The following RAB3C variants were observed in gnomAD, a reference collection of about 807,000 sequenced individuals.
The protein encoded by RAB3C is RAB3C, member RAS oncogene family, also known as ras-related protein Rab-3C.
In RAB3C, 17 loss-of-function variants were observed where a neutral mutation model predicts 26.4. The observed-to-expected ratio is 0.64, with a 90% CI of 0.44 to 0.97. RAB3C has a LOEUF of 0.97. RAB3C is among the 50% of genes least tolerant of loss of function. The pLI is 0.00. For missense variants in RAB3C, 242 were observed against 281.9 expected, an observed-to-expected ratio of 0.86 and a Z score of 1.01; for synonymous variants, 91 against 95.9, an observed-to-expected ratio of 0.95 and a Z score of 0.30.
chr5:58,747,529 G>A (rs1741426073), intron 3 of RAB3C, among the ~76,000 whole-genome samples: 1 of 152,022 alleles, frequency 6.6e-6, no homozygotes, highest in Non-Finnish European at 1.5e-5. Context: ...CTTTTCTGCA[G>A]GTCACAGATG....
At position 58,763,780 on chromosome 5, in the gene RAB3C, C is replaced by T. The variant is rs117831707; in HGVS notation, c.371+37660C>T. On this transcript the variant is annotated intron_variant, in intron 3 of 4. Transcript: ENST00000282878. ...AGAGTAAGAAAGTTATTTACTTTCA[C>T]TCTAGCAAAGCAGAAAAGGTAATAG... Among the ~76,000 whole-genome samples, 90 of 152,276 alleles carry T rather than the reference C, an allele frequency of 5.9e-4. 1 individual carries two copies. In the East Asian group the frequency reaches 0.01, roughly 18 times the overall value.
At chr5:58,835,849 G>C (rs973788264) in intron 4 of RAB3C, among the ~76,000 whole-genome samples, 1 of 152,178 alleles carries the variant, frequency 6.6e-6, no homozygotes, top group East Asian at 1.9e-4. Context: ...TAAGTGTTGA[G>C]AGCTGAAAAA....
chr5:58,612,916 A>G (rs907728242), intron 1 of RAB3C, among the ~76,000 whole-genome samples: 2 of 152,046 alleles, frequency 1.3e-5, no homozygotes, highest in Non-Finnish European at 2.9e-5. Flanking sequence ...TTCAAGGGGA[A>G]TGCTTCCAGC....
intron 2 of RAB3C, among the ~76,000 whole-genome samples, chr5:58,692,747 T>G (rs970161996): frequency 2.0e-5 from 3 of 152,050 alleles, no homozygotes; most frequent in Non-Finnish European, 4.4e-5. Flanking sequence ...GTCTCCAAAA[T>G]AAAGTATTTA....
rs1289870360 is a variant in RAB3C, at chr5:58,845,612, A to ATGTGTG, written c.497-5538_497-5533dup. Among the ~76,000 whole-genome samples the ATGTGTG allele has an allele frequency of 4.4e-3, 363 of 81,718 alleles. 31 individuals are homozygous for ATGTGTG. Among genetic ancestry groups the ATGTGTG allele is most frequent in the African/African-American group, 0.019 (332 of 17,202 alleles). The allele number at this position is 81,718 out of a possible 152,430, so 53.6% of individuals were successfully genotyped here. The stretch of plus-strand genomic sequence containing the variant: ...ATTCTTACTATATATATATATATAT[A>ATGTGTG]TGTGTGTGTGTGTGTGTGTATATGT... On this transcript the variant is annotated intron_variant, in intron 4 of 4. Coordinates refer to ENST00000282878, the MANE Select transcript of RAB3C (RefSeq NM_138453.4).
chr5:58,761,061 T>TCACACACACACACACACACACACACA (rs769194224), intron 3 of RAB3C, among the ~76,000 whole-genome samples: 3 of 126,544 alleles, frequency 2.4e-5, no homozygotes, highest in African/African-American at 8.5e-5. Context: ...TCTCTCTCTC[T>TCACACACACACACACACACACACACA]CTCACACACA....
intron 1 of RAB3C, among the ~76,000 whole-genome samples, chr5:58,602,357 T>A (rs555542407): frequency 1.1e-4 from 17 of 152,292 alleles, no homozygotes; most frequent in Admixed American, 4.6e-4. Context: ...TATATATCTG[T>A]TAAGTCCATT....
rs527635547 is a variant in RAB3C, at chr5:58,822,784, G to C, written c.372-2254G>C. ...CAAAATAAGGTGTGAAGGTTGGCCT[G>C]ACAAATTATGCTGCAGCACATTATA... is the stretch of plus-strand genomic sequence containing the variant. On this transcript the variant is annotated intron_variant, in intron 3 of 4. Coordinates refer to ENST00000282878, the MANE Select transcript of RAB3C (RefSeq NM_138453.4). 4.8e-4 allele frequency: 273 copies of C among 567,092 alleles called. 2 individuals carry two copies. The Middle Eastern group carries it at 6.8e-3, about 14-fold the overall frequency. The allele number at this position is 567,092 out of a possible 1,614,324, so 35.1% of individuals were successfully genotyped here.
intron 2 of RAB3C, among the ~76,000 whole-genome samples, chr5:58,632,305 G>T (rs752445644): frequency 6.6e-6 from 1 of 152,180 alleles, no homozygotes; most frequent in African/African-American, 2.4e-5. Flanking sequence ...AGACCTCAAA[G>T]TGTGGTCCCA....
intron 2 of RAB3C, among the ~76,000 whole-genome samples, chr5:58,641,043 T>C (rs1197369466): frequency 6.6e-6 from 1 of 152,236 alleles, no homozygotes; most frequent in African/African-American, 2.4e-5. Flanking sequence ...TGAACTGCTT[T>C]AGCTGCTTTT....
chr5:58,662,285 G>A (rs892404961), intron 2 of RAB3C, among the ~76,000 whole-genome samples: 12 of 150,006 alleles, frequency 8.0e-5, no homozygotes, highest in South Asian at 4.1e-4. Flanking sequence ...GAAAGGAGGC[G>A]GCAGAAATAG....
chr5:58,810,895 C>A (rs900594027), intron 3 of RAB3C, among the ~76,000 whole-genome samples: 8 of 152,220 alleles, frequency 5.3e-5, no homozygotes, highest in Non-Finnish European at 7.3e-5. Context: ...CCGTGCCCAG[C>A]CCCTTATTCA....
At chr5:58,820,749 T>C (rs1743321432) in intron 3 of RAB3C, among the ~76,000 whole-genome samples, 1 of 152,200 alleles carries the variant, frequency 6.6e-6, no homozygotes, top group South Asian at 2.1e-4. Context: ...ATATTTCTTA[T>C]ATAAGAGCAA....
At chr5:58,779,456 C>T (rs193057802) in intron 3 of RAB3C, among the ~76,000 whole-genome samples, 2 of 151,800 alleles carry the variant, frequency 1.3e-5, no homozygotes, top group African/African-American at 4.8e-5. Context: ...ACAGTCATGG[C>T]TCACTATAAC....
chr5:58,767,770 C>T (rs913986009), intron 3 of RAB3C, among the ~76,000 whole-genome samples: 35 of 152,094 alleles, frequency 2.3e-4, no homozygotes, highest in East Asian at 3.9e-4. Flanking sequence ...TATTATGTCA[C>T]GCATTGTTCT....
At chr5:58,783,502 A>G (rs1742313887) in intron 3 of RAB3C, among the ~76,000 whole-genome samples, 1 of 152,220 alleles carries the variant, frequency 6.6e-6, no homozygotes, top group Non-Finnish European at 1.5e-5. Flanking sequence ...GATATATTCT[A>G]GGTAAGTAAT....
At chr5:58,797,374 TATATATATATATATATATATATAC>T (rs1742693271) in intron 3 of RAB3C, among the ~76,000 whole-genome samples, 1 of 103,748 alleles carries the variant, frequency 9.6e-6, no homozygotes, top group African/African-American at 4.2e-5. Context: ...ATATAATATA[TATATATATATATATATATATATAC>T]ACAGAGAGAG....
At chr5:58,741,088 A>G (rs1057456705) in intron 3 of RAB3C, among the ~76,000 whole-genome samples, 1 of 152,218 alleles carries the variant, frequency 6.6e-6, no homozygotes, top group African/African-American at 2.4e-5. Flanking sequence ...CAGTTTTGCT[A>G]TAAAAAACAT....
intron 4 of RAB3C, among the ~76,000 whole-genome samples, chr5:58,850,195 A>G (rs1344976636): frequency 6.6e-6 from 1 of 152,200 alleles, no homozygotes; most frequent in East Asian, 1.9e-4. Flanking sequence ...GCAGCATACT[A>G]AGGCTGCTTC....
Sources: gnomAD v4.1 joint callset for allele counts (sites outside exome capture counted in the v4.1 genomes callset) on GRCh38, gnomAD v4.1.1 for gene constraint, MANE v1.5 for transcripts, NCBI Gene and HGNC (gene_info 2026-07-23, HGNC 2026-07-21) for gene names.